KAZN: variants seen among roughly 807,000 people sequenced by gnomAD.
KAZN encodes kazrin.
KAZN carries 40 observed loss-of-function variants against 87.4 expected under a neutral mutation model. The ratio of observed to expected loss-of-function variants is 0.46; its 90% CI spans 0.36 to 0.60. KAZN has a LOEUF of 0.60. Among genes scored for constraint, KAZN ranks in the 20% least tolerant of loss-of-function variants. KAZN has a pLI of 0.00. For missense variants in KAZN, 898 were observed against 1,073.9 expected (o/e 0.84, Z 2.29); for synonymous variants, 466 against 458.3 (o/e 1.02, Z -0.22).
intron 1 of KAZN, among the ~76,000 whole-genome samples, chr1:14,957,533 G>A (rs543255372): frequency 5.9e-5 from 9 of 152,356 alleles, no homozygotes; most frequent in Non-Finnish European, 2.9e-5. Context: ...CACGCCGCTG[G>A]GGAGCGAGTG....
chr1:14,533,500 ACG>A (rs1672322705), intron 2 of KAZN, among the ~76,000 whole-genome samples: 1 of 152,140 alleles, frequency 6.6e-6, no homozygotes, highest in Non-Finnish European at 1.5e-5. Context: ...TTCCAAACTC[ACG>A]GCTCTGCATC....
At chr1:14,089,617 G>A (rs1643929223) in intron 1 of KAZN, among the ~76,000 whole-genome samples, 1 of 151,872 alleles carries the variant, frequency 6.6e-6, no homozygotes, top group South Asian at 2.1e-4. Context: ...CACTGCATGT[G>A]GTCTAAACTC....
chr1:14,187,894 C>T (rs989223208), intron 2 of KAZN, among the ~76,000 whole-genome samples: 1 of 152,126 alleles, frequency 6.6e-6, no homozygotes, highest in African/African-American at 2.4e-5. Flanking sequence ...GATACATCTT[C>T]GTTATCCATT....
rs397936998 is a variant in KAZN at position 14,393,862 on chromosome 1, A to AAG, written c.250-205121_250-205120insAG. The stretch of plus-strand genomic sequence containing the variant: ...AATCTCAAAAAAAAAAAAAAAAAAA[A>AAG]GTCATGAAAACTTTTACCTGTAAAC... On this transcript the variant is annotated intron_variant, in intron 2 of 16. Transcript: ENST00000636203. Among the ~76,000 whole-genome samples, 2 of 149,488 alleles carry AAG rather than the reference A, an allele frequency of 1.3e-5. 1 individual carries two copies. Among genetic ancestry groups the AAG allele is most frequent in the South Asian group, 4.3e-4 (2 of 4,692 alleles).
At chr1:14,006,692 G>A (rs1423767084) in intron 1 of KAZN, among the ~76,000 whole-genome samples, 1 of 152,060 alleles carries the variant, frequency 6.6e-6, no homozygotes, top group Non-Finnish European at 1.5e-5. Flanking sequence ...TCTGTTTTAT[G>A]TGTCTATTTT....
chr1:15,070,824 G>A (rs1639473376), intron 8 of KAZN, among the ~76,000 whole-genome samples: 1 of 152,176 alleles, frequency 6.6e-6, no homozygotes, highest in African/African-American at 2.4e-5. Flanking sequence ...CTGGGCGACA[G>A]AGTGAGACCC....
intron 1 of KAZN, among the ~76,000 whole-genome samples, chr1:14,957,446 C>T (rs1432795460): frequency 2.0e-5 from 3 of 152,206 alleles, no homozygotes; most frequent in Admixed American, 6.5e-5. Flanking sequence ...CTGTTTCCAG[C>T]GCTGAAGACC....
At position 14,019,274 on chromosome 1, in the gene KAZN, A is replaced by G. The variant is rs545879666; in HGVS notation, c.91+125518A>G. Among the ~76,000 whole-genome samples the G allele has an allele frequency of 2.0e-3, 307 of 152,242 alleles. 1 individual carries two copies. The highest frequency in any genetic ancestry group is 3.4e-3 in the Non-Finnish European group (230 of 68,028). Reference sequence around the variant, plus strand: ...GGTGTGTTGGTGTAATGAGAACCACACACTCAATTCCAATACCCTATGATA... The same window carrying G: ...GGTGTGTTGGTGTAATGAGAACCACGCACTCAATTCCAATACCCTATGATA... On this transcript the variant is annotated intron_variant, in intron 1 of 16. Transcript: ENST00000636203.
intron 2 of KAZN, among the ~76,000 whole-genome samples, chr1:14,288,657 G>GT (rs952550328): frequency 2.0e-5 from 3 of 152,016 alleles, no homozygotes; most frequent in African/African-American, 4.8e-5. Flanking sequence ...TATTTGAAGG[G>GT]TTTTTTTGTG....
At chr1:14,596,308 G>A (rs946395192), upstream of KAZN, among the ~76,000 whole-genome samples, 1 of 150,190 alleles carries the variant, frequency 6.7e-6, no homozygotes, top group African/African-American at 2.4e-5. Flanking sequence ...ACACGTGTGC[G>A]CACACACACA....
chr1:14,501,223 A>T (rs1388583566), intron 2 of KAZN, among the ~76,000 whole-genome samples: 1 of 152,118 alleles, frequency 6.6e-6, no homozygotes, highest in African/African-American at 2.4e-5. Flanking sequence ...AAAGATATTC[A>T]TTCTCACTAC....
intron 1 of KAZN, among the ~76,000 whole-genome samples, chr1:14,851,412 C>T (rs567813033): frequency 2.0e-5 from 3 of 152,332 alleles, no homozygotes; most frequent in Admixed American, 6.5e-5. Context: ...CCCACCGCTG[C>T]GATAGCCCCT....
intron 1 of KAZN, among the ~76,000 whole-genome samples, chr1:14,120,403 C>T (rs1644727034): frequency 6.6e-6 from 1 of 152,062 alleles, no homozygotes; most frequent in Admixed American, 6.6e-5. Context: ...GATCAAATCA[C>T]CTCCCACCAG....
intron 13 of KAZN, among the ~76,000 whole-genome samples, chr1:15,105,629 G>C (rs1038536551): frequency 6.6e-6 from 1 of 151,810 alleles, no homozygotes; most frequent in African/African-American, 2.4e-5. Flanking sequence ...TTTGACCTTG[G>C]GGCTCTCTAA....
chr1:13,948,144 A>G (rs1641214589), intron 1 of KAZN, among the ~76,000 whole-genome samples: 1 of 152,162 alleles, frequency 6.6e-6, no homozygotes, highest in Non-Finnish European at 1.5e-5. Flanking sequence ...GTATGGTTCT[A>G]TTTCATCCTA....
chr1:14,940,898 C>CTTTTTTTT (rs66777443), intron 1 of KAZN, among the ~76,000 whole-genome samples: 5 of 54,408 alleles, frequency 9.2e-5, no homozygotes, highest in African/African-American at 2.5e-4. Flanking sequence ...TTCTACCTTT[C>CTTTTTTTT]TTTTTTTTTT....
intron 1 of KAZN, among the ~76,000 whole-genome samples, chr1:13,947,562 T>C (rs1641192235): frequency 6.6e-6 from 1 of 152,188 alleles, no homozygotes; most frequent in African/African-American, 2.4e-5. Flanking sequence ...CAAGTCTCCC[T>C]CTGCCTCCCT....
chr1:13,912,409 T>G (rs980743044), intron 1 of KAZN, among the ~76,000 whole-genome samples: 2 of 152,066 alleles, frequency 1.3e-5, no homozygotes, highest in African/African-American at 4.8e-5. Flanking sequence ...ATGGGATCAA[T>G]AAGTGCCATT....
At chr1:14,123,967 C>T (rs1245763634) in intron 1 of KAZN, among the ~76,000 whole-genome samples, 1 of 152,132 alleles carries the variant, frequency 6.6e-6, no homozygotes, top group East Asian at 1.9e-4. Context: ...GTGGCTGGCC[C>T]CTCGGAGGCT....
Sources: gnomAD v4.1 joint callset for allele counts (sites outside exome capture counted in the v4.1 genomes callset) on GRCh38, gnomAD v4.1.1 for gene constraint, MANE v1.5 for transcripts, NCBI Gene and HGNC (gene_info 2026-07-23, HGNC 2026-07-21) for gene names.